Variants in LMNTD1 observed in about 807,000 individuals in gnomAD.
LMNTD1 encodes lamin tail domain-containing protein 1.
LMNTD1 carries 35 observed loss-of-function variants against 50.9 expected under a neutral mutation model. That is an observed-to-expected ratio of 0.69 (90% CI 0.53 to 0.91). The LOEUF (loss-of-function observed/expected upper bound fraction) is 0.91. Among genes scored for constraint, LMNTD1 ranks in the 40% least tolerant of loss-of-function variants. The pLI is 0.00. For synonymous variants in LMNTD1, 153 were observed against 161.9 expected (o/e 0.94, Z 0.42); for missense variants, 470 against 475.5 (o/e 0.99, Z 0.11).
intron 8 of LMNTD1, among the ~76,000 whole-genome samples, chr12:25,512,757 A>G (rs904224890): frequency 2.0e-5 from 3 of 152,060 alleles, no homozygotes. Flanking sequence ...AAAGAGGGCA[A>G]TTATGGCAAG....
In LMNTD1 at chr12:25,549,355, CCTA is replaced by C; in HGVS notation, c.278_280del (p.Val93del). 3.7e-6 allele frequency: 6 copies of C among 1,611,026 alleles called. No homozygotes were observed. Among genetic ancestry groups the C allele is most frequent in the Non-Finnish European group, 5.1e-6 (6 of 1,178,214 alleles). ...GCTGTTTTCCACTCTGGAACAGCTA[CCTA>C]CAGTAGCTTTAGAAGTCAATTGTCC... is the stretch of plus-strand genomic sequence containing the variant. On this transcript the variant is annotated inframe_deletion, in exon 3 of 10. Transcript: ENST00000458174.
chr12:25,631,464 C>G (rs2136597311), intron 1 of LMNTD1, among the ~76,000 whole-genome samples: 1 of 152,322 alleles, frequency 6.6e-6, no homozygotes, highest in South Asian at 2.1e-4. Context: ...AGACAGTTCA[C>G]ATCACAGGAC....
chr12:25,523,458 T>A (rs1043387652), intron 6 of LMNTD1, among the ~76,000 whole-genome samples: 3 of 152,242 alleles, frequency 2.0e-5, no homozygotes, highest in African/African-American at 7.2e-5. Flanking sequence ...TTTTAGACAG[T>A]AGATTACAGG....
intron 2 of LMNTD1, among the ~76,000 whole-genome samples, chr12:25,550,394 G>A (rs141804119): frequency 1.5e-3 from 223 of 152,274 alleles, no homozygotes; most frequent in African/African-American, 5.3e-3. Context: ...AGCAATTTTT[G>A]TGGGTGCATG....
chr12:25,637,854 A>C (rs1299522262), intron 1 of LMNTD1, among the ~76,000 whole-genome samples: 1 of 152,108 alleles, frequency 6.6e-6, no homozygotes, highest in Non-Finnish European at 1.5e-5. Context: ...GAGAATGGAA[A>C]TCAAAACCAT....
chr12:25,608,433 G>A lies in LMNTD1; in HGVS notation c.58+40061C>T, dbSNP rs571595366. 5.9e-5 allele frequency among the ~76,000 whole-genome samples: 9 copies of A among 152,242 alleles called. No homozygotes were observed. The East Asian group carries it at 1.5e-3, about 26-fold the overall frequency. The stretch of plus-strand genomic sequence containing the variant: ...ATGCAGCTTCTTCCTAGCATCGATG[G>A]TCTTTACAATTTGGCATGTTTTTGC... On this transcript the variant is annotated intron_variant, in intron 1 of 7. Coordinates refer to the LMNTD1 transcript ENST00000445693.
At chr12:25,555,782 T>A (rs1021002752), upstream of LMNTD1, among the ~76,000 whole-genome samples, 2 of 152,114 alleles carry the variant, frequency 1.3e-5, no homozygotes, top group African/African-American at 4.8e-5. Context: ...CATTATAGAT[T>A]ATGATTATTT....
chr12:25,618,241 G>A (rs1946388946), intron 1 of LMNTD1, among the ~76,000 whole-genome samples: 1 of 152,000 alleles, frequency 6.6e-6, no homozygotes, highest in Non-Finnish European at 1.5e-5. Flanking sequence ...AGTCAGTAGG[G>A]GAGCTTTTAG....
At chr12:25,607,099 G>A (rs1255727926) in intron 1 of LMNTD1, among the ~76,000 whole-genome samples, 1 of 152,156 alleles carries the variant, frequency 6.6e-6, no homozygotes, top group Non-Finnish European at 1.5e-5. Flanking sequence ...ATTTCTTCTA[G>A]ATTTTCTAGT....
intron 9 of LMNTD1, among the ~76,000 whole-genome samples, chr12:25,500,181 A>C (rs76662229): frequency 6.6e-6 from 1 of 152,310 alleles, no homozygotes; most frequent in East Asian, 1.9e-4. Context: ...AATATGCCAC[A>C]AAGTAGAGAT....
At chr12:25,552,342 G>A (rs1173069382) in intron 2 of LMNTD1, among the ~76,000 whole-genome samples, 1 of 151,992 alleles carries the variant, frequency 6.6e-6, no homozygotes, top group Non-Finnish European at 1.5e-5. Context: ...TTGGAGGCCA[G>A]GCGCGGTGGC....
At chr12:25,598,469 A>G (rs983162621) in intron 1 of LMNTD1, among the ~76,000 whole-genome samples, 1 of 152,018 alleles carries the variant, frequency 6.6e-6, no homozygotes, top group Non-Finnish European at 1.5e-5. Context: ...AGAGCAAACC[A>G]AACCCAAAAT....
chr12:25,613,207 G>A (rs1946284170), intron 1 of LMNTD1, among the ~76,000 whole-genome samples: 1 of 152,162 alleles, frequency 6.6e-6, no homozygotes, highest in Non-Finnish European at 1.5e-5. Flanking sequence ...GAAGTTGGTG[G>A]TAATTTGTTA....
chr12:25,625,775 C>T (rs1371270201), intron 1 of LMNTD1, among the ~76,000 whole-genome samples: 1 of 152,156 alleles, frequency 6.6e-6, no homozygotes, highest in Non-Finnish European at 1.5e-5. Flanking sequence ...GACTGCTGGG[C>T]CTTGGCCTCA....
intron 1 of LMNTD1, among the ~76,000 whole-genome samples, chr12:25,611,602 A>G (rs1361347364): frequency 6.6e-6 from 1 of 152,244 alleles, no homozygotes; most frequent in Non-Finnish European, 1.5e-5. Flanking sequence ...ATATTGCCTT[A>G]AAGAACAAAA....
intron 9 of LMNTD1, among the ~76,000 whole-genome samples, chr12:25,493,275 A>G (rs985769674): frequency 2.0e-5 from 3 of 152,230 alleles, no homozygotes; most frequent in East Asian, 1.9e-4. Context: ...ATTACAATGC[A>G]TAACAGGGAA....
chr12:25,641,816 T>C (rs7967730), intron 1 of LMNTD1, among the ~76,000 whole-genome samples: 92,953 of 151,908 alleles, frequency 0.61, 28,908 homozygotes, highest in Non-Finnish European at 0.68. Context: ...CCTGGTCTTA[T>C]CCATTTAGGC....
At chr12:25,624,957 G>T (rs575384723) in intron 1 of LMNTD1, among the ~76,000 whole-genome samples, 2 of 152,302 alleles carry the variant, frequency 1.3e-5, no homozygotes, top group Admixed American at 1.3e-4. Flanking sequence ...ACGGAGTCCT[G>T]TAGATCAAAA....
chr12:25,485,079 T>C (rs1363830404), intron 9 of LMNTD1, among the ~76,000 whole-genome samples: 23,219 of 143,896 alleles, frequency 0.16, 2,074 homozygotes, highest in African/African-American at 0.2. Flanking sequence ...GGAATCGCCA[T>C]ACTGACTTCC....
Sources: gnomAD v4.1 joint callset for allele counts (sites outside exome capture counted in the v4.1 genomes callset) on GRCh38, gnomAD v4.1.1 for gene constraint, MANE v1.5 for transcripts, NCBI Gene and HGNC (gene_info 2026-07-23, HGNC 2026-07-21) for gene names.